Variants in NUP37 observed in about 807,000 individuals in gnomAD.
NUP37 encodes nucleoporin 37.
In NUP37, 33 loss-of-function variants were observed where a neutral mutation model predicts 45.4. That is an observed-to-expected ratio of 0.73 (90% CI 0.55 to 0.97). The LOEUF (loss-of-function observed/expected upper bound fraction) is 0.97, where lower values mean the gene tolerates loss of function less well. Ranked by LOEUF, NUP37 falls within the 50% of genes least tolerant of loss-of-function variation. The pLI is 0.00. For missense variants in NUP37, 365 were observed against 389.7 expected, an observed-to-expected ratio of 0.94 and a Z score of 0.53; for synonymous variants, 127 against 130.7, an observed-to-expected ratio of 0.97 and a Z score of 0.19.
chr12:102,101,950 C>A (rs1485178143), intron 3 of NUP37, among the ~76,000 whole-genome samples: 1 of 152,174 alleles, frequency 6.6e-6, no homozygotes. Flanking sequence ...GTCTCGAACT[C>A]CTGACCTCAG....
chr12:102,075,342 A>G (rs528109998), intron 8 of NUP37, among the ~76,000 whole-genome samples: 5 of 151,968 alleles, frequency 3.3e-5, no homozygotes, highest in South Asian at 4.2e-4. Flanking sequence ...TGCCCAGGTA[A>G]GTTTTAATTT....
At position 102,112,202 on chromosome 12, in the gene NUP37, A is replaced by T. The variant is rs1424457978; in HGVS notation, c.187T>A (p.Tyr63Asn). The T allele has an allele frequency of 1.2e-6, 2 of 1,613,456 alleles. No individual in the cohort carries two copies. Among genetic ancestry groups the T allele is most frequent in the Non-Finnish European group, 1.7e-6 (2 of 1,179,566 alleles). Reference sequence around the variant, plus strand: ...TGGTGAAATGTTCGAAGTGTTTTATACTGAATGCCTTCAACGTCTGCTTCT... The same window carrying T: ...TGGTGAAATGTTCGAAGTGTTTTATTCTGAATGCCTTCAACGTCTGCTTCT... ...EEEADVEGIQ[Y>N]KTLRTFHHGV... The change falls in exon 3 of 10, where the codon TAT becomes AAT. Residue 63 changes from tyrosine to asparagine, a missense_variant. By Grantham distance (143) the Tyr-to-Asn change is moderately radical. Coordinates refer to ENST00000552283, the MANE Select transcript of NUP37 (RefSeq NM_024057.4).
At chr12:102,082,311 C>T (rs1879351304) in intron 6 of NUP37, among the ~76,000 whole-genome samples, 1 of 151,906 alleles carries the variant, frequency 6.6e-6, no homozygotes, top group Non-Finnish European at 1.5e-5. Flanking sequence ...GAACTCATAT[C>T]TTTCTTCTCT....
chr12:102,098,327 A>T (rs1023916971), intron 5 of NUP37, among the ~76,000 whole-genome samples: 6 of 152,210 alleles, frequency 3.9e-5, no homozygotes, highest in Admixed American at 2.6e-4. Context: ...ATAATAGTTA[A>T]ATGTATTGTA....
At chr12:102,093,968 G>A (rs899930631) in intron 5 of NUP37, among the ~76,000 whole-genome samples, 2 of 152,080 alleles carry the variant, frequency 1.3e-5, no homozygotes, top group Non-Finnish European at 2.9e-5. Flanking sequence ...ACCAGTAAAT[G>A]ATCATGTCAA....
chr12:102,088,807 G>C (rs1879552035), intron 5 of NUP37, among the ~76,000 whole-genome samples: 1 of 151,452 alleles, frequency 6.6e-6, no homozygotes, highest in African/African-American at 2.4e-5. Flanking sequence ...AAGGTCAGCA[G>C]ATTAACACGT....
At chr12:102,087,347 A>C (rs964061716) in intron 5 of NUP37, among the ~76,000 whole-genome samples, 1 of 152,234 alleles carries the variant, frequency 6.6e-6, no homozygotes, top group African/African-American at 2.4e-5. Context: ...TCCTTGTAGA[A>C]ATTATTGGGT....
intron 6 of NUP37, among the ~76,000 whole-genome samples, chr12:102,082,385 G>T (rs1187592323): frequency 6.6e-6 from 1 of 151,942 alleles, no homozygotes; most frequent in Admixed American, 6.6e-5. Context: ...GCAGAGCACT[G>T]AAACGACTGT....
chr12:102,109,214 A>C (rs979604569), intron 3 of NUP37, among the ~76,000 whole-genome samples: 3 of 152,190 alleles, frequency 2.0e-5, no homozygotes, highest in Non-Finnish European at 4.4e-5. Flanking sequence ...GCCACTACGC[A>C]AGAAAAGCAA....
At chr12:102,109,295 T>C (rs1388045819) in intron 3 of NUP37, among the ~76,000 whole-genome samples, 1 of 152,156 alleles carries the variant, frequency 6.6e-6, no homozygotes, top group East Asian at 1.9e-4. Flanking sequence ...TGATAAGCCA[T>C]CATGAAGGAT....
chr12:102,087,137 A>T (rs1014026817), intron 5 of NUP37, among the ~76,000 whole-genome samples: 1 of 152,144 alleles, frequency 6.6e-6, no homozygotes, highest in East Asian at 1.9e-4. Flanking sequence ...AAAGGACTGA[A>T]TTCATTCATT....
rs1879438989 is a variant in NUP37 at position 102,085,366 on chromosome 12, G to T, written c.540+400C>A. On this transcript the variant is annotated intron_variant, in intron 6 of 9. Transcript: ENST00000552283. Reference sequence around the variant, plus strand: ...GAGCCTGGGAGGCGGAGGCTGCAATGAGCCAAGATCACACCACTGCACTCC... The same window carrying T: ...GAGCCTGGGAGGCGGAGGCTGCAATTAGCCAAGATCACACCACTGCACTCC... Among the ~76,000 whole-genome samples, 4 of 152,082 alleles carry T rather than the reference G, an allele frequency of 2.6e-5. No homozygotes were observed. The South Asian group carries it at 8.3e-4, about 32-fold the overall frequency.
chr12:102,107,771 T>C (rs1880196050), intron 3 of NUP37, among the ~76,000 whole-genome samples: 1 of 152,210 alleles, frequency 6.6e-6, no homozygotes, highest in African/African-American at 2.4e-5. Context: ...AGTATTATTA[T>C]ATTCATAAGA....
At position 102,112,123 on chromosome 12, in the gene NUP37, A is replaced by G; in HGVS notation, c.266T>C (p.Leu89Ser). The change falls in exon 3 of 10, where the codon TTG (leucine) becomes TCG (serine). Residue 89 changes from leucine to serine, a missense_variant. Coordinates refer to ENST00000552283, the MANE Select transcript of NUP37 (RefSeq NM_024057.4). ...TTAAACTTACTTGATTACTGGAGGC[A>G]ATGAATCAAGTCTAGTCTCTGGGCT... ...AWSPETRLDS[L>S]PPVIKFCTSA... 1 of 1,613,702 alleles carries G rather than the reference A, an allele frequency of 6.2e-7. No individual in the cohort carries two copies. Among genetic ancestry groups the G allele is most frequent in the Non-Finnish European group, 8.5e-7 (1 of 1,179,718 alleles).
At chr12:102,075,195 A>C (rs1731617513) in intron 8 of NUP37, 101 bp from the exon 9 acceptor site, 1 of 711,198 alleles carries the variant, frequency 1.4e-6, no homozygotes, top group Non-Finnish European at 2.3e-6. Context: ...TTTTTTTAAG[A>C]GACAGGGTCT....
chr12:102,112,225 T>G lies in NUP37; in HGVS notation c.164A>C (p.Glu55Ala), dbSNP rs1354760728. Residue 55 changes from glutamate to alanine, a missense_variant, in exon 3 of 10, where the codon GAA becomes GCA. Transcript: ENST00000552283. ...VIGTCTFQEEEADVEGIQYKT... is the reference protein window; with the variant it reads ...VIGTCTFQEEAADVEGIQYKT... ...ATACTGAATGCCTTCAACGTCTGCT[T>G]CTTCTTCCTAAGCATACACAGTAAA... is the stretch of plus-strand genomic sequence containing the variant. 2.5e-6 allele frequency: 4 copies of G among 1,612,188 alleles called. No homozygotes were observed. The highest frequency in any genetic ancestry group is 2.5e-6 in the Non-Finnish European group (3 of 1,178,462).
chr12:102,113,692 T>C (rs1019092674), intron 2 of NUP37, among the ~76,000 whole-genome samples: 1 of 152,182 alleles, frequency 6.6e-6, no homozygotes, highest in Non-Finnish European at 1.5e-5. Flanking sequence ...TAAAAGTGTA[T>C]GGTATTATAA....
In NUP37 at chr12:102,074,479, G is replaced by A. The variant is rs1013140010; in HGVS notation, c.868-12C>T. The A allele has an allele frequency of 1.3e-6, 2 of 1,527,128 alleles. No homozygotes were observed. Among genetic ancestry groups the A allele is most frequent in the Non-Finnish European group, 8.9e-7 (1 of 1,117,676 alleles). 94.6% of individuals were successfully genotyped at this position (1,527,128 alleles called of 1,614,324 possible). A position where few individuals can be genotyped will look rare whatever the true frequency, so the allele number is the denominator to read the frequency against. ...CCCATGAGGATGGGCTATAAAATAT[G>A]TGAAGAATTAAAGAAGCACAGTAAG... On this transcript the variant is annotated splice_polypyrimidine_tract_variant and intron_variant, in intron 9 of 9. Transcript: ENST00000552283.
chr12:102,097,741 T>G (rs1212331155), intron 5 of NUP37, among the ~76,000 whole-genome samples: 1 of 152,314 alleles, frequency 6.6e-6, no homozygotes, highest in South Asian at 2.1e-4. Context: ...TGAAATGCCA[T>G]TATTTATTTC....
Sources: allele counts gnomAD v4.1 joint callset (sites outside exome capture counted in the v4.1 genomes callset), GRCh38; gene constraint gnomAD v4.1.1; transcripts MANE v1.5; gene names NCBI Gene and HGNC (gene_info 2026-07-23, HGNC 2026-07-21).